The following LRRC56 variants were observed in gnomAD, a reference collection of about 807,000 sequenced individuals.
LRRC56 encodes leucine rich repeat containing 56, also known as leucine-rich repeat-containing protein 56.
A neutral mutation model predicts 47.8 loss-of-function variants in LRRC56; 41 were observed. The observed-to-expected ratio is 0.86, with a 90% CI of 0.67 to 1.11. LRRC56 has a LOEUF of 1.11. Among genes scored for constraint, LRRC56 ranks in the 50% most tolerant of loss-of-function variants. LRRC56 has a pLI of 0.00. For synonymous variants in LRRC56, 387 were observed against 311.2 expected (o/e 1.24, Z -2.56); for missense variants, 759 against 704.2 (o/e 1.08, Z -0.88).
chr11:540,119 C>T (rs1052629257), intron 3 of LRRC56, among the ~76,000 whole-genome samples: 4 of 152,216 alleles, frequency 2.6e-5, no homozygotes, highest in African/African-American at 9.6e-5. Flanking sequence ...GTACATGCCA[C>T]CTCCTTGCCT....
At chr11:548,531 C>T (rs1216162021) in intron 6 of LRRC56, among the ~76,000 whole-genome samples, 2 of 152,210 alleles carry the variant, frequency 1.3e-5, no homozygotes, top group Non-Finnish European at 2.9e-5. Flanking sequence ...AATCTCAGCT[C>T]ACTGCAACCT....
chr11:540,939 C>G, intron 4 of LRRC56, 78 bp downstream of exon 4: 1 of 1,204,668 alleles, frequency 8.3e-7, no homozygotes, highest in Admixed American at 2.7e-5. Flanking sequence ...TGCTGATGGT[C>G]CAGCCTGCCC....
chr11:512,581 G>A, the LRRC56 span, among the ~76,000 whole-genome samples: 4 of 152,150 alleles, frequency 2.6e-5, no homozygotes, highest in Non-Finnish European at 5.9e-5. Context: ...CGAGGAAAGG[G>A]CACCCTTGGT....
At chr11:547,723 C>T (rs1352421319) in intron 6 of LRRC56, among the ~76,000 whole-genome samples, 3 of 152,216 alleles carry the variant, frequency 2.0e-5, no homozygotes, top group African/African-American at 7.2e-5. Context: ...CACATAAATA[C>T]ACAAAATATA....
chr11:518,996 G>C, the LRRC56 span, among the ~76,000 whole-genome samples: 2 of 152,172 alleles, frequency 1.3e-5, no homozygotes, highest in South Asian at 4.1e-4. Flanking sequence ...TTACGAGGGC[G>C]CGCGAGGCGC....
intron 6 of LRRC56, 84 bp from the exon 7 acceptor site, chr11:549,818 C>T: frequency 5.7e-6 from 7 of 1,225,670 alleles, no homozygotes; most frequent in Non-Finnish European, 8.3e-6. Context: ...CACACCTGCC[C>T]CTACCCCTGA....
chr11:536,474 T>C (rs1316790253), upstream of LRRC56, among the ~76,000 whole-genome samples: 1 of 152,072 alleles, frequency 6.6e-6, no homozygotes, highest in Non-Finnish European at 1.5e-5. Context: ...ACATCCTCAT[T>C]AAAAAACAAA....
At chr11:511,858 A>C in the LRRC56 span, among the ~76,000 whole-genome samples, 1,135 of 152,210 alleles carry the variant, frequency 7.5e-3, 10 homozygotes, top group Admixed American at 0.013. Context: ...GCCACCCCCC[A>C]CACACACAGA....
intron 5 of LRRC56, among the ~76,000 whole-genome samples, chr11:543,766 T>C (rs75852057): frequency 1.3e-5 from 2 of 151,978 alleles, no homozygotes; most frequent in Non-Finnish European, 2.9e-5. Context: ...ATTTTTTTTT[T>C]GAGACGGAGT....
chr11:529,957 C>T, the LRRC56 span, among the ~76,000 whole-genome samples: 1 of 152,184 alleles, frequency 6.6e-6, no homozygotes, highest in Non-Finnish European at 1.5e-5. Flanking sequence ...TTCCGTGGAG[C>T]CCAGGGCAGT....
chr11:552,078 T>G lies in LRRC56; in HGVS notation c.1039-12T>G. 6.2e-7 allele frequency: 1 copy of G among 1,608,388 alleles called. No individual in the cohort carries two copies. The highest frequency in any genetic ancestry group is 8.5e-7 in the Non-Finnish European group (1 of 1,176,732). On this transcript the variant is annotated splice_polypyrimidine_tract_variant and intron_variant, in intron 11 of 13. Transcript: ENST00000270115. ...GGCCAGAATCCCTAAAGCAGTCCCT[T>G]TTCCTCCCCAGGCCAGGGAGCCCCC...
At chr11:552,767 G>A (rs1465444624) in intron 13 of LRRC56, 65 bp downstream of exon 13, 9 of 1,418,482 alleles carry the variant, frequency 6.3e-6, no homozygotes, top group Admixed American at 4.2e-5. Context: ...TCTATAGGGG[G>A]GCCCTTACCC....
intron 6 of LRRC56, among the ~76,000 whole-genome samples, chr11:546,601 G>C (rs931563203): frequency 6.6e-6 from 1 of 151,902 alleles, no homozygotes; most frequent in Admixed American, 6.6e-5. Flanking sequence ...TCTGGAAATG[G>C]AAGAAAGTTG....
At chr11:523,090 G>A in the LRRC56 span, among the ~76,000 whole-genome samples, 6 of 152,058 alleles carry the variant, frequency 3.9e-5, no homozygotes, top group African/African-American at 1.4e-4. Context: ...GTGCAATGGC[G>A]CCATCTCTGC....
the LRRC56 span, among the ~76,000 whole-genome samples, chr11:514,709 CAT>C: frequency 2.6e-5 from 4 of 152,132 alleles, no homozygotes; most frequent in African/African-American, 9.7e-5. Flanking sequence ...GTTTTGTAAA[CAT>C]AATGTTATTG....
the LRRC56 span, among the ~76,000 whole-genome samples, chr11:523,205 T>C: frequency 1.3e-5 from 2 of 152,078 alleles, no homozygotes; most frequent in Non-Finnish European, 2.9e-5. Flanking sequence ...ATTTTTGTAT[T>C]TTTAGTAGAG....
intron 8 of LRRC56, 62 bp downstream of exon 8, chr11:550,334 GC>G: frequency 7.0e-7 from 1 of 1,437,410 alleles, no homozygotes; most frequent in Non-Finnish European, 9.2e-7. Flanking sequence ...TGTGGCTCCA[GC>G]CCCGGGGCCC....
the LRRC56 span, among the ~76,000 whole-genome samples, chr11:528,280 A>G: frequency 1.3e-5 from 2 of 152,186 alleles, no homozygotes; most frequent in Non-Finnish European, 2.9e-5. Context: ...GCGAGTCCTG[A>G]GCAGGGATGT....
At chr11:532,212 C>T in the LRRC56 span, 1 of 362,356 alleles carries the variant, frequency 2.8e-6, no homozygotes, top group South Asian at 3.3e-5. Context: ...CACACGCGCA[C>T]CGTGTCCCAC....
Sources: allele counts gnomAD v4.1 joint callset (sites outside exome capture counted in the v4.1 genomes callset), GRCh38; gene constraint gnomAD v4.1.1; transcripts MANE v1.5; gene names NCBI Gene and HGNC (gene_info 2026-07-23, HGNC 2026-07-21).